Variants in PINX1 observed in about 807,000 individuals in gnomAD.
PINX1 encodes PIN2/TERF1-interacting telomerase inhibitor 1.
In PINX1, 34 loss-of-function variants were observed where a neutral mutation model predicts 25.4. The observed-to-expected ratio is 1.34, with a 90% CI of 1.02 to 1.78. The LOEUF (loss-of-function observed/expected upper bound fraction) is 1.78, where lower values mean the gene tolerates loss of function less well. Among genes scored for constraint, PINX1 ranks in the 40% most tolerant of loss-of-function variants. The pLI is 0.00. For missense variants in PINX1, 592 were observed against 404.9 expected, an observed-to-expected ratio of 1.46 and a Z score of -3.97; for synonymous variants, 197 against 147.7, an observed-to-expected ratio of 1.33 and a Z score of -2.42.
chr8:10,783,065 T>C (rs899593609), intron 6 of PINX1, among the ~76,000 whole-genome samples: 1 of 152,152 alleles, frequency 6.6e-6, no homozygotes, highest in Admixed American at 6.5e-5. Flanking sequence ...CTCCATAGAT[T>C]GCAAGAAATT....
At chr8:10,774,986 G>A (rs17774398) in intron 6 of PINX1, among the ~76,000 whole-genome samples, 24,138 of 151,812 alleles carry the variant, frequency 0.16, 2,426 homozygotes, top group Non-Finnish European at 0.23. Flanking sequence ...GCAATATACC[G>A]GCACAACTTA....
intron 1 of PINX1, 34 bp downstream of exon 1, chr8:10,839,704 G>A: frequency 1.9e-6 from 3 of 1,594,490 alleles, no homozygotes; most frequent in East Asian, 2.3e-5. Flanking sequence ...CTTCACCAAC[G>A]CGCCTGGGTC....
At chr8:10,824,418 C>T (rs1397813899) in intron 5 of PINX1, among the ~76,000 whole-genome samples, 1 of 152,184 alleles carries the variant, frequency 6.6e-6, no homozygotes. Context: ...CGTCTCCACT[C>T]CAGCTCTTCT....
chr8:10,799,451 C>A (rs541855387), intron 6 of PINX1, among the ~76,000 whole-genome samples: 1 of 152,208 alleles, frequency 6.6e-6, no homozygotes. Flanking sequence ...TTCTGCCTGG[C>A]TCTGCCATTT....
At position 10,812,328 on chromosome 8, in the gene PINX1, C is replaced by A. The variant is rs555651026; in HGVS notation, c.471+7865G>T. On this transcript the variant is annotated intron_variant, in intron 6 of 6. Transcript: ENST00000314787. ...TCGAGGAAAACGTAAAACTTCAAGT[C>A]AAGACTTAAACCTTCCAGCACCGTT... Among the ~76,000 whole-genome samples, 10 of 152,314 alleles carry A rather than the reference C, an allele frequency of 6.6e-5. No individual in the cohort carries two copies. In the South Asian group the frequency reaches 2.1e-3, roughly 32 times the overall value.
intron 6 of PINX1, among the ~76,000 whole-genome samples, chr8:10,805,019 T>C (rs1012622888): frequency 9.2e-5 from 14 of 152,028 alleles, no homozygotes; most frequent in Non-Finnish European, 1.8e-4. Context: ...ACTCAGCTCA[T>C]TCCTCTTTTC....
chr8:10,811,459 C>A (rs1056375002), intron 6 of PINX1, among the ~76,000 whole-genome samples: 1 of 152,206 alleles, frequency 6.6e-6, no homozygotes, highest in African/African-American at 2.4e-5. Flanking sequence ...AATCCTAAGA[C>A]AGCCATTTCA....
Position 10,831,757 on chromosome 8 carries a change from A to C in PINX1, c.223-14T>G. ...AATCCAGTTGTCCTGAAAATATCAA[A>C]GAAATGAACGAGAGGTAAGCCTGTA... On this transcript the variant is annotated splice_polypyrimidine_tract_variant and intron_variant, in intron 3 of 6. Transcript: ENST00000314787. The C allele has an allele frequency of 6.6e-7, 1 of 1,518,172 alleles. No homozygotes were observed. The highest frequency in any genetic ancestry group is 9.1e-7 in the Non-Finnish European group (1 of 1,104,840). 94.0% of individuals were successfully genotyped at this position (1,518,172 alleles called of 1,614,324 possible).
intron 2 of PINX1, among the ~76,000 whole-genome samples, chr8:10,833,298 C>T (rs563593843): frequency 6.6e-6 from 1 of 152,290 alleles, no homozygotes; most frequent in East Asian, 1.9e-4. Context: ...AGTAGGATGA[C>T]GGAGGGGCTA....
intron 5 of PINX1, among the ~76,000 whole-genome samples, chr8:10,823,817 G>A (rs1475792169): frequency 6.6e-6 from 1 of 152,170 alleles, no homozygotes; most frequent in South Asian, 2.1e-4. Flanking sequence ...AACAGAGTGA[G>A]ATCCTGTCTC....
At position 10,837,213 on chromosome 8, in the gene PINX1, T is replaced by C. The variant is rs75898687; in HGVS notation, c.20-2438A>G. On this transcript the variant is annotated intron_variant, in intron 1 of 6. Transcript: ENST00000314787. The stretch of plus-strand genomic sequence containing the variant: ...TTTGGTGCCTCCCAGGTAGAGGGTG[T>C]CTATGTGACCAGGCCCCAGGAAATC... Among the ~76,000 whole-genome samples the C allele has an allele frequency of 2.3e-3, 343 of 152,252 alleles. 2 individuals are homozygous for C. The highest frequency in any genetic ancestry group is 7.8e-3 in the African/African-American group (325 of 41,534).
intron 6 of PINX1, among the ~76,000 whole-genome samples, chr8:10,774,979 A>G (rs1013144272): frequency 5.3e-5 from 8 of 152,184 alleles, no homozygotes; most frequent in African/African-American, 1.9e-4. Flanking sequence ...AAAAAAGGCA[A>G]TATACCGGCA....
intron 6 of PINX1, among the ~76,000 whole-genome samples, chr8:10,777,239 T>G (rs1461903435): frequency 6.6e-6 from 1 of 152,206 alleles, no homozygotes; most frequent in Non-Finnish European, 1.5e-5. Flanking sequence ...TTATGTTTGC[T>G]GATCTACAAG....
At chr8:10,783,682 G>A (rs1801661993) in intron 6 of PINX1, among the ~76,000 whole-genome samples, 2 of 152,166 alleles carry the variant, frequency 1.3e-5, no homozygotes, top group Non-Finnish European at 2.9e-5. Flanking sequence ...TTAATCATCT[G>A]TCATGCAATA....
intron 6 of PINX1, among the ~76,000 whole-genome samples, chr8:10,786,201 C>T (rs945460593): frequency 2.0e-5 from 3 of 152,236 alleles, no homozygotes; most frequent in Non-Finnish European, 4.4e-5. Context: ...TTTAAAGAGA[C>T]GTTACATTTT....
At chr8:10,776,521 T>C (rs1452566533) in intron 6 of PINX1, among the ~76,000 whole-genome samples, 1 of 152,184 alleles carries the variant, frequency 6.6e-6, no homozygotes, top group Non-Finnish European at 1.5e-5. Flanking sequence ...AACACTGTCA[T>C]TAACCTTTGG....
rs1273102269 is a variant in PINX1 at position 10,790,431 on chromosome 8, G to A, written c.472-24515C>T. ...GAGATGACAGGCAAGCCAGGGGGAG[G>A]AAGCAAGGGTGAGCCAGCAGAGGCT... On this transcript the variant is annotated intron_variant, in intron 6 of 6. Coordinates refer to ENST00000314787, the MANE Select transcript of PINX1 (RefSeq NM_017884.6). 3.3e-5 allele frequency among the ~76,000 whole-genome samples: 5 copies of A among 152,090 alleles called. No homozygotes were observed. In the East Asian group the frequency reaches 9.6e-4, roughly 29 times the overall value.
At chr8:10,831,868 T>C (rs1798236948) in intron 3 of PINX1, 125 bp from the exon 4 acceptor site, 3 of 644,628 alleles carry the variant, frequency 4.7e-6, no homozygotes, top group African/African-American at 1.8e-5. Context: ...TCCATCAAAA[T>C]ACTATTTGAT....
At chr8:10,834,625 T>C in intron 2 of PINX1, 41 bp downstream of exon 2, 1 of 1,605,024 alleles carries the variant, frequency 6.2e-7, no homozygotes, top group Non-Finnish European at 8.5e-7. Flanking sequence ...TTCTAATCTC[T>C]TTTCATAGCT....
Sources: gnomAD v4.1 joint callset for allele counts (sites outside exome capture counted in the v4.1 genomes callset) on GRCh38, gnomAD v4.1.1 for gene constraint, MANE v1.5 for transcripts, NCBI Gene and HGNC (gene_info 2026-07-23, HGNC 2026-07-21) for gene names.